The following DIAPH3 variants were observed in gnomAD, a reference collection of about 807,000 sequenced individuals.
The protein encoded by DIAPH3 is diaphanous related formin 3, also known as protein diaphanous homolog 3.
In DIAPH3, 117 loss-of-function variants were observed where a neutral mutation model predicts 144.3. The observed-to-expected ratio is 0.81, with a 90% CI of 0.70 to 0.95. DIAPH3 has a LOEUF of 0.95. Among genes scored for constraint, DIAPH3 ranks in the 40% least tolerant of loss-of-function variants. The pLI, the probability that DIAPH3 is intolerant of heterozygous loss-of-function variation, is 0.00. For synonymous variants in DIAPH3, 519 were observed against 488.9 expected (o/e 1.06, Z -0.81); for missense variants, 1,421 against 1,412.7 (o/e 1.01, Z -0.09).
chr13:59,775,538 G>A (rs969204590), intron 25 of DIAPH3, among the ~76,000 whole-genome samples: 3 of 152,146 alleles, frequency 2.0e-5, no homozygotes, highest in Non-Finnish European at 2.9e-5. Flanking sequence ...CACTGCACAC[G>A]GCCCGGGAGA....
At chr13:59,832,998 CAGAAA>C (rs1420789312) in intron 24 of DIAPH3, 104 bp downstream of exon 24, 3 of 868,514 alleles carry the variant, frequency 3.5e-6, no homozygotes. Flanking sequence ...CTTTCAAAAT[CAGAAA>C]AGATAGGTTT....
chr13:59,686,665 A>T (rs1566180087), intron 27 of DIAPH3, among the ~76,000 whole-genome samples: 1 of 152,076 alleles, frequency 6.6e-6, no homozygotes, highest in African/African-American at 2.4e-5. Flanking sequence ...ATAATCTCTG[A>T]GTTATTTCGG....
intron 20 of DIAPH3, among the ~76,000 whole-genome samples, chr13:59,885,074 T>A (rs2045346274): frequency 6.6e-6 from 1 of 152,182 alleles, no homozygotes; most frequent in African/African-American, 2.4e-5. Flanking sequence ...CCTTTGTTTA[T>A]AAATCCTTAT....
intron 27 of DIAPH3, among the ~76,000 whole-genome samples, chr13:59,722,974 T>C (rs1387006365): frequency 1.3e-5 from 2 of 152,196 alleles, no homozygotes; most frequent in Admixed American, 1.3e-4. Context: ...AACCCTGACC[T>C]ATACAGCATG....
At chr13:60,051,226 G>GA (rs1217015344) in intron 4 of DIAPH3, among the ~76,000 whole-genome samples, 8 of 151,750 alleles carry the variant, frequency 5.3e-5, no homozygotes, top group East Asian at 1.9e-4. Context: ...GGGGGAGTGG[G>GA]AAAAAAATAT....
intron 27 of DIAPH3, among the ~76,000 whole-genome samples, chr13:59,761,276 G>C (rs2037570605): frequency 6.6e-6 from 1 of 152,014 alleles, no homozygotes; most frequent in Non-Finnish European, 1.5e-5. Flanking sequence ...TACACGAAAA[G>C]TCACTTCTTT....
intron 22 of DIAPH3, among the ~76,000 whole-genome samples, chr13:59,846,825 C>T (rs112853293): frequency 2.0e-5 from 3 of 152,172 alleles, no homozygotes; most frequent in African/African-American, 7.2e-5. Context: ...CCTGTAATCT[C>T]AGCACTTTGG....
chr13:59,818,141 T>G (rs545213826), intron 24 of DIAPH3, among the ~76,000 whole-genome samples: 1 of 152,088 alleles, frequency 6.6e-6, no homozygotes, highest in South Asian at 2.1e-4. Context: ...ATATGGCTGC[T>G]TTTGCACTGT....
chr13:59,756,840 T>C (rs1290234345), intron 27 of DIAPH3, among the ~76,000 whole-genome samples: 2 of 152,062 alleles, frequency 1.3e-5, no homozygotes, highest in African/African-American at 4.8e-5. Flanking sequence ...TTATCAGTAA[T>C]GATAAAAACA....
intron 19 of DIAPH3, among the ~76,000 whole-genome samples, chr13:59,914,134 A>C (rs1039354140): frequency 6.6e-6 from 1 of 152,196 alleles, no homozygotes; most frequent in African/African-American, 2.4e-5. Flanking sequence ...AAACAATGAC[A>C]TACTGCTGAC....
Position 60,018,455 on chromosome 13 carries a change from T to C in DIAPH3, c.627-2310A>G, listed in dbSNP as rs1398290341. On this transcript the variant is annotated intron_variant, in intron 5 of 27. Coordinates refer to ENST00000400324, the MANE Select transcript of DIAPH3 (RefSeq NM_001042517.2). ...CATAATTAATAATAAAAAATAGCTA[T>C]TTAAAATGTATTACCTTTAACATAA... Among the ~76,000 whole-genome samples the C allele has an allele frequency of 2.0e-5, 3 of 152,122 alleles. No homozygotes were observed. In the East Asian group the frequency reaches 5.8e-4, roughly 29 times the overall value.
chr13:59,805,073 A>G (rs1312738179), intron 25 of DIAPH3, among the ~76,000 whole-genome samples: 1 of 152,126 alleles, frequency 6.6e-6, no homozygotes, highest in African/African-American at 2.4e-5. Flanking sequence ...CTGAAGTTGC[A>G]CCAAATGAGA....
chr13:60,101,445 C>A (rs1443217102), intron 3 of DIAPH3, among the ~76,000 whole-genome samples: 2 of 152,162 alleles, frequency 1.3e-5, no homozygotes, highest in East Asian at 3.9e-4. Flanking sequence ...CAGATTGCAC[C>A]CAGGACGGTT....
chr13:59,852,197 A>G (rs2043015657), intron 22 of DIAPH3, among the ~76,000 whole-genome samples: 4 of 152,218 alleles, frequency 2.6e-5, no homozygotes, highest in Admixed American at 2.6e-4. Context: ...CTGCTGATCA[A>G]TTTTAAATCT....
At chr13:60,117,899 T>G (rs2058739547) in intron 2 of DIAPH3, among the ~76,000 whole-genome samples, 1 of 152,142 alleles carries the variant, frequency 6.6e-6, no homozygotes, top group Non-Finnish European at 1.5e-5. Flanking sequence ...CATGTAAAAT[T>G]TCCATAATTT....
At chr13:59,838,400 G>GTA (rs918138943) in intron 23 of DIAPH3, 3 of 151,886 alleles carry the variant, frequency 2.0e-5, no homozygotes, top group African/African-American at 7.3e-5. Context: ...TTATATATGT[G>GTA]TGTGTGTGTG....
At chr13:60,023,970 C>A (rs1230499124) in intron 5 of DIAPH3, among the ~76,000 whole-genome samples, 1 of 150,970 alleles carries the variant, frequency 6.6e-6, no homozygotes, top group Non-Finnish European at 1.5e-5. Context: ...ATTCTCCTGC[C>A]TCAGCCTCCC....
chr13:59,711,235 C>T (rs2034718479), intron 27 of DIAPH3, among the ~76,000 whole-genome samples: 1 of 152,128 alleles, frequency 6.6e-6, no homozygotes. Context: ...AACAATGGAG[C>T]CCAACCACAT....
chr13:59,861,596 C>T (rs2043593929), intron 21 of DIAPH3, 60 bp from the exon 22 acceptor site: 2 of 1,518,732 alleles, frequency 1.3e-6, no homozygotes, highest in African/African-American at 1.4e-5. Context: ...ATTCTGTCTA[C>T]TTAAATAATA....
Sources: allele counts gnomAD v4.1 joint callset (sites outside exome capture counted in the v4.1 genomes callset), GRCh38; gene constraint gnomAD v4.1.1; transcripts MANE v1.5; gene names NCBI Gene and HGNC (gene_info 2026-07-23, HGNC 2026-07-21).